NR2C2: variants seen among roughly 807,000 people sequenced by gnomAD.
NR2C2 encodes the protein Nuclear hormone receptor TR4.
A neutral mutation model predicts 62.9 loss-of-function variants in NR2C2; 6 were observed. That is an observed-to-expected ratio of 0.10 (90% confidence interval 0.05 to 0.19). The LOEUF (loss-of-function observed/expected upper bound fraction) is 0.19, where lower values mean the gene tolerates loss of function less well. NR2C2 is among the 10% of genes least tolerant of loss of function. The pLI, the probability that NR2C2 is intolerant of heterozygous loss-of-function variation, is 1.00. For synonymous variants in NR2C2, 272 were observed against 273.8 expected (o/e 0.99, Z 0.07); for missense variants, 479 against 762.7 (o/e 0.63, Z 4.38).
intron 1 of NR2C2, 91 bp from the exon 2 acceptor site, chr3:15,003,785 G>A: frequency 2.6e-6 from 2 of 768,666 alleles, no homozygotes; most frequent in Admixed American, 2.0e-5. Context: ...CATCACTCCA[G>A]GCCACAGTGA....
intron 1 of NR2C2, among the ~76,000 whole-genome samples, chr3:14,961,614 T>C (rs1365375599): frequency 6.6e-6 from 1 of 152,222 alleles, no homozygotes; most frequent in African/African-American, 2.4e-5. Flanking sequence ...AGCTTTCTCA[T>C]GACCAGAAGA....
chr3:15,016,145 C>G lies in NR2C2; in HGVS notation c.274-7C>G. ...GGCACCCCTGTTCGTTTCCTGATTT[C>G]TCTCAGATTGTCACGGATTCTGCCT... On this transcript the variant is annotated splice_polypyrimidine_tract_variant and splice_region_variant and intron_variant, in intron 3 of 13. Coordinates refer to ENST00000425241, the MANE Select transcript of NR2C2 (RefSeq NM_001291694.2). 6 of 1,611,146 alleles carry G rather than the reference C, an allele frequency of 3.7e-6. No individual in the cohort carries two copies. The highest frequency in any genetic ancestry group is 5.1e-6 in the Non-Finnish European group (6 of 1,177,400).
intron 3 of NR2C2, 152 bp from the exon 4 acceptor site, chr3:15,016,000 C>A (rs1263306358): frequency 1.7e-6 from 1 of 578,150 alleles, no homozygotes; most frequent in Admixed American, 3.0e-5. Context: ...CAGGGTTTCA[C>A]CATGTTAGTC....
intron 2 of NR2C2, 131 bp downstream of exon 2, chr3:15,004,117 T>A: frequency 9.2e-6 from 6 of 652,534 alleles, no homozygotes; most frequent in Non-Finnish European, 1.5e-5. Flanking sequence ...ATCAATTCTT[T>A]AAAAAAAATA....
chr3:15,032,305 G>T (rs965751737), intron 9 of NR2C2, 74 bp from the exon 10 acceptor site: 1 of 1,599,406 alleles, frequency 6.3e-7, no homozygotes, highest in Non-Finnish European at 8.6e-7. Flanking sequence ...AGCATGACAG[G>T]GATACATGTT....
At chr3:14,989,924 CAAAAAAAAAAAAAA>C (rs34980642) in intron 1 of NR2C2, among the ~76,000 whole-genome samples, 4 of 51,012 alleles carry the variant, frequency 7.8e-5, no homozygotes, top group African/African-American at 2.7e-4. Context: ...GACTCCATCT[CAAAAAAAAAAAAAA>C]AAAAAAAAAA....
chr3:14,986,260 G>A (rs997576496), intron 1 of NR2C2, among the ~76,000 whole-genome samples: 1 of 152,064 alleles, frequency 6.6e-6, no homozygotes, highest in Admixed American at 6.6e-5. Context: ...GAAATAATGT[G>A]TATTTCATGT....
At chr3:14,972,061 G>A (rs2040058151) in intron 1 of NR2C2, among the ~76,000 whole-genome samples, 1 of 151,168 alleles carries the variant, frequency 6.6e-6, no homozygotes, top group South Asian at 2.1e-4. Context: ...CACCTGCTTT[G>A]GCCTCCCAAA....
chr3:14,972,685 T>G (rs1559537312), intron 1 of NR2C2, among the ~76,000 whole-genome samples: 1 of 152,110 alleles, frequency 6.6e-6, no homozygotes, highest in Non-Finnish European at 1.5e-5. Flanking sequence ...TAATTTATAA[T>G]GAAGAGAGGT....
At chr3:15,013,895 C>G in intron 3 of NR2C2, 106 bp downstream of exon 3, 1 of 1,183,176 alleles carries the variant, frequency 8.5e-7, no homozygotes, top group South Asian at 1.4e-5. Flanking sequence ...TGGAAGGTTC[C>G]TTGGGGACCT....
chr3:15,042,592 G>A, intron 13 of NR2C2: 1 of 376,824 alleles, frequency 2.7e-6, no homozygotes, highest in Non-Finnish European at 4.7e-6. Context: ...TGGGGGTGAG[G>A]AGAGTTGGAA....
At chr3:15,032,556 G>T in intron 10 of NR2C2, 56 bp downstream of exon 10, 1 of 1,608,270 alleles carries the variant, frequency 6.2e-7, no homozygotes, top group African/African-American at 1.3e-5. Context: ...CTCTCCCTAG[G>T]AATGACCTGG....
Position 15,043,137 on chromosome 3 carries a change from T to C in NR2C2, c.*129T>C. On this transcript the variant is annotated 3_prime_UTR_variant, in exon 14 of 14. Transcript: ENST00000425241. ...AGCCATTTCCTGTCTGGTTTCTCCT[T>C]ATCTGTTAATCCCAGACAATAGCAA... is the stretch of plus-strand genomic sequence containing the variant. The C allele has an allele frequency of 1.3e-6, 1 of 799,566 alleles. No individual in the cohort carries two copies. Among genetic ancestry groups the C allele is most frequent in the East Asian group, 3.0e-5 (1 of 33,370 alleles). 49.5% of individuals were successfully genotyped at this position (799,566 alleles called of 1,614,324 possible). A position where few individuals can be genotyped will look rare whatever the true frequency, so the allele number is the denominator to read the frequency against.
chr3:15,030,352 C>T lies in NR2C2; in HGVS notation c.1010C>T (p.Thr337Ile), dbSNP rs201585610. 1.2e-6 allele frequency: 2 copies of T among 1,613,360 alleles called. No homozygotes were observed. Among genetic ancestry groups the T allele is most frequent in the African/African-American group, 1.3e-5 (1 of 74,860 alleles). ...SSPSLADGID[T>I]SGGGSIHVIS... ...CCAAGCTTGGCAGATGGGATAGACA[C>T]CAGTGGAGGAGGGAGCATCCACGTC... Residue 337 changes from threonine (T) to isoleucine (I), a missense_variant, in exon 9 of 14, where the codon ACC becomes ATC. Thr to Ile is a moderately conservative substitution (Grantham distance 89). Coordinates refer to ENST00000425241, the MANE Select transcript of NR2C2 (RefSeq NM_001291694.2).
chr3:15,027,447 TC>T (rs1342270950), intron 7 of NR2C2, among the ~76,000 whole-genome samples: 1 of 152,242 alleles, frequency 6.6e-6, no homozygotes, highest in African/African-American at 2.4e-5. Flanking sequence ...TTATTATCCA[TC>T]TTTTTGATTG....
chr3:15,012,626 C>T (rs773709633), intron 2 of NR2C2, among the ~76,000 whole-genome samples: 3 of 152,134 alleles, frequency 2.0e-5, no homozygotes, highest in Non-Finnish European at 4.4e-5. Flanking sequence ...CATGTTTCCC[C>T]TCACCCAACA....
At chr3:15,014,936 A>G (rs1000439904) in intron 3 of NR2C2, among the ~76,000 whole-genome samples, 18 of 152,098 alleles carry the variant, frequency 1.2e-4, no homozygotes, top group Non-Finnish European at 2.1e-4. Flanking sequence ...TTGGGTGGGG[A>G]GGTTCTACTA....
intron 1 of NR2C2, among the ~76,000 whole-genome samples, chr3:15,002,967 C>CT (rs34599110): frequency 1.0e-3 from 146 of 144,602 alleles, no homozygotes; most frequent in Admixed American, 1.4e-3. Flanking sequence ...CCACAATACA[C>CT]TTTTTTTTTT....
At position 15,048,827 on chromosome 3, in the gene NR2C2, T is replaced by G. The variant is rs775610190; in HGVS notation, c.*5819T>G. 6.6e-6 allele frequency: 1 copy of G among 152,666 alleles called. No homozygotes were observed. Among genetic ancestry groups the G allele is most frequent in the Non-Finnish European group, 1.5e-5 (1 of 68,018 alleles). The allele number at this position is 152,666 out of a possible 1,614,324, so 9.5% of individuals were successfully genotyped here. Reference sequence around the variant, plus strand: ...TTTTTACCTGTAGTTTGGACTTCTCTGTTAGAATGTAACTGCATTACCAGC... The same window carrying G: ...TTTTTACCTGTAGTTTGGACTTCTCGGTTAGAATGTAACTGCATTACCAGC... On this transcript the variant is annotated 3_prime_UTR_variant, in exon 14 of 14. Transcript: ENST00000425241.
Sources: allele counts gnomAD v4.1 joint callset (sites outside exome capture counted in the v4.1 genomes callset), GRCh38; gene constraint gnomAD v4.1.1; transcripts MANE v1.5; gene names NCBI Gene and HGNC (gene_info 2026-07-23, HGNC 2026-07-21).